The following STON2 variants were observed in gnomAD, a reference collection of about 807,000 sequenced individuals.
The protein encoded by STON2 is stonin-2.
A neutral mutation model predicts 65.7 loss-of-function variants in STON2; 29 were observed. The observed-to-expected ratio is 0.44, with a 90% CI of 0.33 to 0.60. STON2 has a LOEUF of 0.60. STON2 is among the 20% of genes least tolerant of loss of function. The pLI, the probability that STON2 is intolerant of heterozygous loss-of-function variation, is 0.03. For missense variants in STON2, 1,054 were observed against 1,118.1 expected (o/e 0.94, Z 0.82); for synonymous variants, 404 against 414.2 (o/e 0.98, Z 0.30).
intron 4 of STON2, among the ~76,000 whole-genome samples, chr14:81,347,318 A>G (rs1312555522): frequency 2.0e-5 from 3 of 152,136 alleles, no homozygotes; most frequent in East Asian, 3.8e-4. Context: ...AAATCAGAAA[A>G]TCTAGAGGAA....
At chr14:81,313,750 G>A (rs1209616566) in intron 5 of STON2, among the ~76,000 whole-genome samples, 1 of 150,020 alleles carries the variant, frequency 6.7e-6, no homozygotes, top group Admixed American at 6.7e-5. Context: ...AGCCAAGATC[G>A]TGCCACTGCG....
chr14:81,277,985 G>A lies in STON2; in HGVS notation c.1497C>T (p.Ser499=), dbSNP rs766132757. ...CGAAGATCGGTCCCCAGTGCCTGGA[G>A]GACATGATGTTTTTCTTCTCAGGGA... ...LRIPEKKNIM[S]SRHWGPIFVK... is the part of the protein sequence containing the mutation. Residue 499 remains serine, a synonymous_variant, in exon 6 of 8, where the codon TCC becomes TCT. Coordinates refer to ENST00000614646, the MANE Select transcript of STON2 (RefSeq NM_001394390.1). 14 of 1,614,046 alleles carry A rather than the reference G, an allele frequency of 8.7e-6. No homozygotes were observed. The highest frequency in any genetic ancestry group is 1.3e-5 in the African/African-American group (1 of 74,926).
intron 4 of STON2, among the ~76,000 whole-genome samples, chr14:81,351,726 C>T (rs916969193): frequency 2.6e-5 from 4 of 152,116 alleles, no homozygotes; most frequent in Admixed American, 2.6e-4. Context: ...TAACCTAGTC[C>T]AGTTCCCCAG....
intron 6 of STON2, among the ~76,000 whole-genome samples, chr14:81,272,115 G>C (rs1417316185): frequency 6.6e-6 from 1 of 152,124 alleles, no homozygotes; most frequent in Admixed American, 6.5e-5. Flanking sequence ...CCAGCTACTC[G>C]GGAGGCTGAG....
Position 81,278,244 on chromosome 14 carries a change from CTT to C in STON2, c.1236_1237del (p.Asp414PhefsTer13). 1.2e-6 allele frequency: 2 copies of C among 1,614,126 alleles called. No homozygotes were observed. Among genetic ancestry groups the C allele is most frequent in the Non-Finnish European group, 8.5e-7 (1 of 1,180,032 alleles). Reference sequence around the variant, plus strand: ...CTGGTAGATGACAATGAGGGAATCTCTTTGGCTTTTGCCCGTGGTACTGGAAA... The same window carrying C: ...CTGGTAGATGACAATGAGGGAATCTCTGGCTTTTGCCCGTGGTACTGGAAA... On this transcript the variant is annotated frameshift_variant, in exon 6 of 8. Transcript: ENST00000614646. LOFTEE classifies it high-confidence loss of function.
intron 6 of STON2, among the ~76,000 whole-genome samples, chr14:81,273,963 T>C (rs914307401): frequency 6.6e-6 from 1 of 152,194 alleles, no homozygotes; most frequent in South Asian, 2.1e-4. Flanking sequence ...CAGGGCTGTC[T>C]GAACACCTAG....
chr14:81,370,412 A>G (rs1433858244), intron 4 of STON2, among the ~76,000 whole-genome samples: 1 of 152,226 alleles, frequency 6.6e-6, no homozygotes, highest in African/African-American at 2.4e-5. Flanking sequence ...GAAAGCCAGC[A>G]TTCCATCTTA....
intron 6 of STON2, among the ~76,000 whole-genome samples, chr14:81,272,787 CA>C (rs1239039216): frequency 6.6e-6 from 1 of 152,174 alleles, no homozygotes; most frequent in Non-Finnish European, 1.5e-5. Context: ...ACATTTATTA[CA>C]GGCCAGATAC....
At chr14:81,385,129 A>C (rs1899730908) in intron 3 of STON2, among the ~76,000 whole-genome samples, 1 of 152,204 alleles carries the variant, frequency 6.6e-6, no homozygotes, top group Admixed American at 6.5e-5. Context: ...TGAATGAACT[A>C]GTTAATTGAT....
intron 2 of STON2, among the ~76,000 whole-genome samples, chr14:81,426,369 A>G (rs978968568): frequency 6.6e-6 from 1 of 152,218 alleles, no homozygotes; most frequent in Admixed American, 6.5e-5. Flanking sequence ...TGAATTTCCC[A>G]GTGAAGCTGG....
chr14:81,434,945 AG>A (rs1440249860), intron 1 of STON2, among the ~76,000 whole-genome samples: 2 of 152,016 alleles, frequency 1.3e-5, no homozygotes, highest in Non-Finnish European at 2.9e-5. Flanking sequence ...TGTGTGGTTG[AG>A]TTTTTTTTCT....
intron 5 of STON2, among the ~76,000 whole-genome samples, chr14:81,287,419 A>C (rs1895379096): frequency 6.6e-6 from 1 of 152,222 alleles, no homozygotes; most frequent in South Asian, 2.1e-4. Context: ...AAGCCAGTTC[A>C]TCAAACTACC....
At chr14:81,425,661 T>C (rs1429240256) in intron 2 of STON2, among the ~76,000 whole-genome samples, 1 of 152,074 alleles carries the variant, frequency 6.6e-6, no homozygotes, top group East Asian at 1.9e-4. Context: ...AGAGCAAACA[T>C]GAGGTTATTA....
intron 3 of STON2, among the ~76,000 whole-genome samples, chr14:81,392,742 G>A (rs1195673010): frequency 1.3e-5 from 2 of 151,732 alleles, no homozygotes; most frequent in Non-Finnish European, 2.9e-5. Flanking sequence ...GAGCAAAAGT[G>A]CTTCATGTAT....
chr14:81,357,035 C>A (rs200451449), intron 4 of STON2, among the ~76,000 whole-genome samples: 26,556 of 151,800 alleles, frequency 0.17, 2,832 homozygotes, highest in East Asian at 0.3. Flanking sequence ...GCAACAAAAG[C>A]TAAAATTGAC....
At chr14:81,282,183 C>T (rs1260246107) in intron 5 of STON2, among the ~76,000 whole-genome samples, 1 of 152,048 alleles carries the variant, frequency 6.6e-6, no homozygotes. Flanking sequence ...ACCTGAATGC[C>T]CAACAATGGG....
chr14:81,319,726 A>G (rs1566906993), intron 5 of STON2, among the ~76,000 whole-genome samples: 1 of 152,176 alleles, frequency 6.6e-6, no homozygotes, highest in Non-Finnish European at 1.5e-5. Context: ...TCATCTACAG[A>G]TATTTGATTG....
At chr14:81,324,744 A>AT (rs1221995570) in intron 4 of STON2, among the ~76,000 whole-genome samples, 19 of 152,216 alleles carry the variant, frequency 1.2e-4, no homozygotes, top group African/African-American at 3.6e-4. Flanking sequence ...GATTTTAGAA[A>AT]TGGATTCACA....
chr14:81,391,895 T>C (rs1240509617), intron 3 of STON2, among the ~76,000 whole-genome samples: 1 of 152,208 alleles, frequency 6.6e-6, no homozygotes, highest in African/African-American at 2.4e-5. Context: ...TATGAACAGA[T>C]GGAATTATTC....
Sources: allele counts gnomAD v4.1 joint callset (sites outside exome capture counted in the v4.1 genomes callset), GRCh38; gene constraint gnomAD v4.1.1; transcripts MANE v1.5; gene names NCBI Gene and HGNC (gene_info 2026-07-23, HGNC 2026-07-21).